TAFA4: variants seen among roughly 807,000 people sequenced by gnomAD.
TAFA4 encodes TAFA chemokine like family member 4.
A neutral mutation model predicts 21.1 loss-of-function variants in TAFA4; 20 were observed. The ratio of observed to expected loss-of-function variants is 0.95; its 90% confidence interval spans 0.67 to 1.38. The LOEUF is 1.38. Among genes scored for constraint, TAFA4 ranks in the 40% most tolerant of loss-of-function variants. TAFA4 has a pLI of 0.00. For synonymous variants in TAFA4, 71 were observed against 67.4 expected (o/e 1.05, Z -0.26); for missense variants, 211 against 180.9 (o/e 1.17, Z -0.95).
At chr3:68,752,712 T>G in intron 4 of TAFA4, 151 bp downstream of exon 4, 1 of 820,938 alleles carries the variant, frequency 1.2e-6, no homozygotes, top group Non-Finnish European at 1.9e-6. Flanking sequence ...TCAAGACATT[T>G]TTGGAGTTGT....
At chr3:68,805,168 G>A (rs1326246309) in intron 3 of TAFA4, among the ~76,000 whole-genome samples, 3 of 152,132 alleles carry the variant, frequency 2.0e-5, no homozygotes, top group Non-Finnish European at 4.4e-5. Context: ...CTTCTCAAAA[G>A]AAGACATTTA....
chr3:68,895,519 G>A (rs966901215), intron 1 of TAFA4, among the ~76,000 whole-genome samples: 1 of 152,202 alleles, frequency 6.6e-6, no homozygotes, highest in Non-Finnish European at 1.5e-5. Context: ...TGATTAGGTG[G>A]GGGAAGTGGA....
At chr3:68,869,073 A>G (rs1559548789) in intron 3 of TAFA4, among the ~76,000 whole-genome samples, 1 of 152,030 alleles carries the variant, frequency 6.6e-6, no homozygotes, top group Non-Finnish European at 1.5e-5. Flanking sequence ...TCAATGGATC[A>G]TCAACAGCTA....
At chr3:68,872,255 A>T (rs1035866064) in intron 3 of TAFA4, among the ~76,000 whole-genome samples, 4 of 152,158 alleles carry the variant, frequency 2.6e-5, no homozygotes, top group African/African-American at 9.6e-5. Flanking sequence ...CATTTGCAGC[A>T]ATACGGATGT....
chr3:68,739,353 A>G (rs1263176812), intron 4 of TAFA4, among the ~76,000 whole-genome samples, 154 bp from the exon 5 acceptor site: 1 of 152,266 alleles, frequency 6.6e-6, no homozygotes, highest in African/African-American at 2.4e-5. Context: ...CATATACTCT[A>G]CAAAATATTT....
intron 3 of TAFA4, among the ~76,000 whole-genome samples, chr3:68,834,253 C>G (rs1704469077): frequency 6.6e-6 from 1 of 152,160 alleles, no homozygotes; most frequent in African/African-American, 2.4e-5. Context: ...CTAAGGACAT[C>G]CTGAAAATAA....
chr3:68,800,461 T>C (rs1703553348), intron 3 of TAFA4, among the ~76,000 whole-genome samples: 1 of 152,220 alleles, frequency 6.6e-6, no homozygotes, highest in African/African-American at 2.4e-5. Flanking sequence ...ACACATTTTC[T>C]TACAGGGATT....
At chr3:68,760,722 C>T (rs888326546) in intron 3 of TAFA4, among the ~76,000 whole-genome samples, 1 of 152,200 alleles carries the variant, frequency 6.6e-6, no homozygotes, top group Non-Finnish European at 1.5e-5. Flanking sequence ...ATAGTGGCTT[C>T]CCTTGGCGAA....
rs978764464 is a variant in TAFA4, at chr3:68,731,848, C to T, written c.*1294G>A. 6.6e-6 allele frequency: 1 copy of T among 151,292 alleles called. No individual in the cohort carries two copies. Among genetic ancestry groups the T allele is most frequent in the Admixed American group, 6.6e-5 (1 of 15,118 alleles). The allele number at this position is 151,292 out of a possible 1,614,324, so 9.4% of individuals were successfully genotyped here. On this transcript the variant is annotated 3_prime_UTR_variant, in exon 6 of 6. Transcript: ENST00000295569. The stretch of plus-strand genomic sequence containing the variant: ...AATTACGCCAACAAATCTTTCCATT[C>T]CTTTCCATTCCCTCTGCAAGAATAA...
chr3:68,844,656 G>T (rs1704744134), intron 3 of TAFA4, among the ~76,000 whole-genome samples: 1 of 152,170 alleles, frequency 6.6e-6, no homozygotes, highest in Admixed American at 6.5e-5. Flanking sequence ...TGGGCACTTA[G>T]TGGTATAAAT....
At chr3:68,927,484 C>A (rs771421158) in intron 1 of TAFA4, among the ~76,000 whole-genome samples, 4 of 152,124 alleles carry the variant, frequency 2.6e-5, no homozygotes, top group Non-Finnish European at 5.9e-5. Context: ...GTAGAATGTT[C>A]TATTGCTTTC....
chr3:68,778,308 G>T (rs983858607), intron 3 of TAFA4, among the ~76,000 whole-genome samples: 2 of 152,074 alleles, frequency 1.3e-5, no homozygotes, highest in Admixed American at 6.5e-5. Flanking sequence ...GTAAAAACAG[G>T]AACTTCATAA....
intron 3 of TAFA4, among the ~76,000 whole-genome samples, chr3:68,862,402 A>G (rs745887271): frequency 1.7e-4 from 26 of 152,202 alleles, no homozygotes; most frequent in Non-Finnish European, 3.5e-4. Flanking sequence ...TTGCGGGTAG[A>G]CAGATGTGTT....
intron 3 of TAFA4, among the ~76,000 whole-genome samples, chr3:68,798,695 A>G (rs1703506827): frequency 6.6e-6 from 1 of 152,218 alleles, no homozygotes; most frequent in African/African-American, 2.4e-5. Flanking sequence ...GTCAAAGTGT[A>G]CAATTCAGTG....
At chr3:68,915,447 T>C (rs1378210097) in intron 1 of TAFA4, among the ~76,000 whole-genome samples, 4 of 152,268 alleles carry the variant, frequency 2.6e-5, no homozygotes, top group Admixed American at 2.6e-4. Context: ...TCCTCTTCTA[T>C]GTTTTCAAGT....
intron 3 of TAFA4, among the ~76,000 whole-genome samples, chr3:68,812,701 T>C (rs1303175699): frequency 6.6e-6 from 1 of 152,006 alleles, no homozygotes; most frequent in African/African-American, 2.4e-5. Context: ...TAGAAAGAGA[T>C]TTAGACTGCC....
At chr3:68,829,464 C>T (rs988776528) in intron 3 of TAFA4, among the ~76,000 whole-genome samples, 4 of 152,076 alleles carry the variant, frequency 2.6e-5, no homozygotes, top group Non-Finnish European at 5.9e-5. Context: ...TTTTTGTCAT[C>T]GGTTCTGTTT....
chr3:68,839,594 C>T (rs1051498458), intron 3 of TAFA4, among the ~76,000 whole-genome samples: 4 of 152,206 alleles, frequency 2.6e-5, no homozygotes, highest in African/African-American at 9.6e-5. Flanking sequence ...CAATTCACAA[C>T]CTTTTCACAC....
At position 68,732,571 on chromosome 3, in the gene TAFA4, A is replaced by C. The variant is rs150702318; in HGVS notation, c.*571T>G. The C allele has an allele frequency of 6.5e-6, 1 of 152,694 alleles. No homozygotes were observed. Among genetic ancestry groups the C allele is most frequent in the East Asian group, 1.9e-4 (1 of 5,196 alleles). The allele number at this position is 152,694 out of a possible 1,614,324, so 9.5% of individuals were successfully genotyped here. ...GAAGTAAAAATACAATGCACACACA[A>C]TAATCCAACTATGTCCTTCTATTCT... On this transcript the variant is annotated 3_prime_UTR_variant, in exon 6 of 6. Coordinates refer to ENST00000295569, the MANE Select transcript of TAFA4 (RefSeq NM_182522.5).
Sources: allele counts gnomAD v4.1 joint callset (sites outside exome capture counted in the v4.1 genomes callset), GRCh38; gene constraint gnomAD v4.1.1; transcripts MANE v1.5; gene names NCBI Gene and HGNC (gene_info 2026-07-23, HGNC 2026-07-21).